ATXN2: variants seen among roughly 807,000 people sequenced by gnomAD.
ATXN2 encodes the protein ataxin 2.
In ATXN2, 37 loss-of-function variants were observed where a neutral mutation model predicts 138.6. The observed-to-expected ratio is 0.27, with a 90% CI of 0.21 to 0.35. The LOEUF (loss-of-function observed/expected upper bound fraction) is 0.35. Among genes scored for constraint, ATXN2 ranks in the 10% least tolerant of loss-of-function variants. ATXN2 has a pLI of 1.00. For missense variants in ATXN2, 1,216 were observed against 1,480.3 expected, an observed-to-expected ratio of 0.82 and a Z score of 2.93; for synonymous variants, 549 against 543.7, an observed-to-expected ratio of 1.01 and a Z score of -0.13.
chr12:111,581,285 C>T (rs1883990587), intron 1 of ATXN2: 1 of 474,508 alleles, frequency 2.1e-6, no homozygotes, highest in Admixed American at 3.1e-5. Context: ...TAAAAAACCA[C>T]CAGAGCCAGA....
At chr12:111,517,851 CCA>C (rs1447901697) in intron 9 of ATXN2, among the ~76,000 whole-genome samples, 3 of 152,038 alleles carry the variant, frequency 2.0e-5, no homozygotes, top group East Asian at 1.9e-4. Context: ...TCTATATTAA[CCA>C]CAGTGTTGCA....
chr12:111,483,504 G>C (rs1259755765), intron 18 of ATXN2, among the ~76,000 whole-genome samples: 1 of 118,202 alleles, frequency 8.5e-6, no homozygotes, highest in Non-Finnish European at 1.6e-5. Flanking sequence ...ACCCAGGCAC[G>C]CACCACCATG....
intron 5 of ATXN2, among the ~76,000 whole-genome samples, chr12:111,543,559 G>A (rs1259898615): frequency 1.3e-5 from 2 of 151,980 alleles, no homozygotes; most frequent in African/African-American, 2.4e-5. Context: ...TCAGCCTCCC[G>A]AGTAGCTGGG....
At chr12:111,492,257 C>T (rs1878081891) in intron 14 of ATXN2, among the ~76,000 whole-genome samples, 1 of 152,228 alleles carries the variant, frequency 6.6e-6, no homozygotes, top group Non-Finnish European at 1.5e-5. Flanking sequence ...TTCCCCAAGA[C>T]TACCAAGGTG....
chr12:111,529,989 A>C (rs984333850), intron 5 of ATXN2, among the ~76,000 whole-genome samples: 1 of 152,172 alleles, frequency 6.6e-6, no homozygotes, highest in Non-Finnish European at 1.5e-5. Flanking sequence ...TTCTCAACTA[A>C]ATCAGCCTTT....
intron 1 of ATXN2, among the ~76,000 whole-genome samples, chr12:111,575,255 T>C (rs1310745676): frequency 1.3e-5 from 2 of 152,308 alleles, no homozygotes; most frequent in Admixed American, 1.3e-4. Context: ...GCTGTGATCA[T>C]AGCTCCTGCA....
At chr12:111,554,859 G>C (rs1882307850) in intron 2 of ATXN2, among the ~76,000 whole-genome samples, 1 of 152,154 alleles carries the variant, frequency 6.6e-6, no homozygotes, top group African/African-American at 2.4e-5. Flanking sequence ...AGGAAGCCAG[G>C]TCATACCTTC....
At chr12:111,506,618 GTCCCTC>G (rs1365839578) in intron 14 of ATXN2, among the ~76,000 whole-genome samples, 17 of 151,260 alleles carry the variant, frequency 1.1e-4, no homozygotes, top group African/African-American at 4.1e-4. Context: ...AGACATCATT[GTCCCTC>G]TCCCTCTCCC....
At chr12:111,573,245 T>C (rs913980498) in intron 1 of ATXN2, among the ~76,000 whole-genome samples, 2 of 152,140 alleles carry the variant, frequency 1.3e-5, no homozygotes. Flanking sequence ...TACGCTGGAG[T>C]GCAATGGAGC....
intron 21 of ATXN2, among the ~76,000 whole-genome samples, chr12:111,463,004 A>ATATG (rs143183760): frequency 0.092 from 13,866 of 151,364 alleles, 2,155 homozygotes; most frequent in African/African-American, 0.32. Flanking sequence ...ACACACACAT[A>ATATG]TATGTATGTA....
intron 11 of ATXN2, chr12:111,512,954 G>C (rs1879628704): frequency 5.9e-6 from 1 of 168,976 alleles, no homozygotes; most frequent in Non-Finnish European, 1.2e-5. Flanking sequence ...AAACAAAGCT[G>C]CTAAAAAGAT....
intron 5 of ATXN2, among the ~76,000 whole-genome samples, chr12:111,543,909 C>A (rs1435726047): frequency 6.6e-6 from 1 of 151,990 alleles, no homozygotes; most frequent in Non-Finnish European, 1.5e-5. Flanking sequence ...GAACCAGTGT[C>A]TATAAAATAT....
chr12:111,543,748 G>A (rs945467225), intron 5 of ATXN2, among the ~76,000 whole-genome samples: 2 of 152,164 alleles, frequency 1.3e-5, no homozygotes, highest in East Asian at 1.9e-4. Context: ...AGTACATGGC[G>A]TATATGAACT....
intron 18 of ATXN2, among the ~76,000 whole-genome samples, chr12:111,481,658 A>C (rs1234347005): frequency 6.6e-6 from 1 of 152,048 alleles, no homozygotes; most frequent in Non-Finnish European, 1.5e-5. Context: ...CACATGAAAA[A>C]AAATTTTATT....
At position 111,509,530 on chromosome 12, in the gene ATXN2, C is replaced by G. The variant is rs760575817; in HGVS notation, c.1935+19G>C. ...CTTATTTTCTAAAACTCAAATTCAT[C>G]AGTTAGTACAATACTTACCCTAAAA... On this transcript the variant is annotated intron_variant, in intron 14 of 24. Coordinates refer to ENST00000673436, the MANE Select transcript of ATXN2 (RefSeq NM_001372574.1). 6 of 1,303,190 alleles carry G rather than the reference C, an allele frequency of 4.6e-6. No individual in the cohort carries two copies. In the African/African-American group the frequency reaches 8.9e-5, roughly 19 times the overall value. The allele number at this position is 1,303,190 out of a possible 1,614,324, so 80.7% of individuals were successfully genotyped here. A position where few individuals can be genotyped will look rare whatever the true frequency, so the allele number is the denominator to read the frequency against.
intron 18 of ATXN2, among the ~76,000 whole-genome samples, chr12:111,479,805 GA>G (rs1269173485): frequency 6.6e-6 from 1 of 150,680 alleles, no homozygotes; most frequent in Non-Finnish European, 1.5e-5. Context: ...ATGACCCAGG[GA>G]AGCCAAAAGA....
intron 20 of ATXN2, among the ~76,000 whole-genome samples, chr12:111,466,711 G>C (rs1277124713): frequency 6.6e-6 from 1 of 152,130 alleles, no homozygotes; most frequent in African/African-American, 2.4e-5. Flanking sequence ...GTGGTCCTAT[G>C]TTTTCAATGC....
chr12:111,576,801 T>TA lies in ATXN2; in HGVS notation c.252-20883dup, dbSNP rs536451525. Among the ~76,000 whole-genome samples the TA allele has an allele frequency of 5.7e-3, 862 of 149,956 alleles. 10 individuals are homozygous for TA. Among genetic ancestry groups the TA allele is most frequent in the African/African-American group, 0.02 (811 of 40,836 alleles). On this transcript the variant is annotated intron_variant, in intron 1 of 24. Coordinates refer to ENST00000673436, the MANE Select transcript of ATXN2 (RefSeq NM_001372574.1). The stretch of plus-strand genomic sequence containing the variant: ...GGCGAAACCCCATCTCTACTAAAAA[T>TA]AAAAAAATTAGCCAGGCATGGTGGC...
chr12:111,468,353 A>G (rs1030768512), intron 20 of ATXN2: 4 of 152,376 alleles, frequency 2.6e-5, no homozygotes, highest in African/African-American at 9.6e-5. Flanking sequence ...TGTTTTCCAA[A>G]ATGTAGCAAT....
Sources: gnomAD v4.1 joint callset for allele counts (sites outside exome capture counted in the v4.1 genomes callset) on GRCh38, gnomAD v4.1.1 for gene constraint, MANE v1.5 for transcripts, NCBI Gene and HGNC (gene_info 2026-07-23, HGNC 2026-07-21) for gene names.